ANKMY2: variants seen among roughly 807,000 people sequenced by gnomAD.
ANKMY2 encodes ankyrin repeat and MYND domain-containing protein 2.
ANKMY2 carries 36 observed loss-of-function variants against 50.4 expected under a neutral mutation model. That is an observed-to-expected ratio of 0.71 (90% CI 0.55 to 0.94). The LOEUF is 0.94. ANKMY2 is among the 40% of genes least tolerant of loss of function. ANKMY2 has a pLI of 0.00. For missense variants in ANKMY2, 565 were observed against 524.0 expected (o/e 1.08, Z -0.76); for synonymous variants, 187 against 178.8 (o/e 1.05, Z -0.36).
Position 16,645,536 on chromosome 7 carries a change from T to G in ANKMY2, c.38A>C (p.Glu13Ala). 1 of 1,611,902 alleles carries G rather than the reference T, an allele frequency of 6.2e-7. No individual in the cohort carries two copies. The highest frequency in any genetic ancestry group is 8.5e-7 in the Non-Finnish European group (1 of 1,178,950). The change falls in exon 1 of 10, where the codon GAG (glutamate) becomes GCG (alanine). Residue 13 changes from glutamate (E) to alanine (A), a missense_variant. Coordinates refer to ENST00000306999, the MANE Select transcript of ANKMY2 (RefSeq NM_020319.3). ...HIKKGELTQE[E>A]KELLEVIGKG... is the part of the protein sequence containing the mutation. ...CCCGATGACTTCCAGTAGCTCCTTC[T>G]CCTCCTGGGTCAGCTCGCCTTTCTT...
chr7:16,610,859 G>C (rs1031090092), intron 5 of ANKMY2, 96 bp from the exon 6 acceptor site: 24 of 1,068,914 alleles, frequency 2.2e-5, no homozygotes, highest in Non-Finnish European at 3.2e-5. Context: ...GATTACCAAA[G>C]AAAGCCTTCC....
chr7:16,604,574 C>G (rs1410311464), intron 8 of ANKMY2, 147 bp downstream of exon 8: 1 of 1,080,102 alleles, frequency 9.3e-7, no homozygotes, highest in African/African-American at 1.6e-5. Flanking sequence ...TTTTCCAAAA[C>G]TACTTTTTAA....
intron 3 of ANKMY2, among the ~76,000 whole-genome samples, chr7:16,625,438 C>G (rs745751540): frequency 1.3e-5 from 2 of 152,176 alleles, no homozygotes; most frequent in Non-Finnish European, 2.9e-5. Context: ...TAGGATTCCC[C>G]TTTAATATCG....
rs1439843291 is a variant in ANKMY2 at position 16,602,385 on chromosome 7, TC to T, written c.1135del (p.Glu379LysfsTer22). On this transcript the variant is annotated frameshift_variant, in exon 9 of 10. Coordinates refer to ENST00000306999, the MANE Select transcript of ANKMY2 (RefSeq NM_020319.3). LOFTEE classifies it high-confidence loss of function. ...CTCGGTTTTTATATACATACGGTTTTCCTCTTGTCTCTTTTCTTTGGCAGCC... is the reference window on the plus strand; with the variant it reads ...CTCGGTTTTTATATACATACGGTTTTCTCTTGTCTCTTTTCTTTGGCAGCC... ...LEAAKEKRQEENHGKLDVNSN... is the reference protein window; with the variant it reads ...LEAAKEKRQEXNHGKLDVNSN... The T allele has an allele frequency of 1.2e-6, 2 of 1,612,476 alleles. No homozygotes were observed. The highest frequency in any genetic ancestry group is 2.7e-5 in the African/African-American group (2 of 74,870).
At chr7:16,611,446 T>A (rs1463184020) in intron 5 of ANKMY2, among the ~76,000 whole-genome samples, 2 of 152,194 alleles carry the variant, frequency 1.3e-5, no homozygotes, top group Non-Finnish European at 2.9e-5. Context: ...ATGCTCAAAT[T>A]TAGTGTAATA....
chr7:16,635,260 T>C (rs1781641752), intron 2 of ANKMY2, among the ~76,000 whole-genome samples: 1 of 152,202 alleles, frequency 6.6e-6, no homozygotes, highest in African/African-American at 2.4e-5. Context: ...AAAGAGTACT[T>C]ATTGTGTGAT....
intron 1 of ANKMY2, among the ~76,000 whole-genome samples, chr7:16,639,170 T>A (rs777891261): frequency 6.6e-6 from 1 of 152,250 alleles, no homozygotes; most frequent in Non-Finnish European, 1.5e-5. Context: ...CAGAATAGCA[T>A]GGAAATGTGA....
chr7:16,633,081 AT>A (rs1198699486), intron 2 of ANKMY2, among the ~76,000 whole-genome samples: 1 of 151,982 alleles, frequency 6.6e-6, no homozygotes, highest in East Asian at 1.9e-4. Context: ...TCCTTGGCTC[AT>A]TTTTTAATTG....
chr7:16,625,447 C>T (rs1006919649), intron 3 of ANKMY2, among the ~76,000 whole-genome samples: 4 of 152,206 alleles, frequency 2.6e-5, no homozygotes, highest in South Asian at 2.1e-4. Flanking sequence ...CCTTTAATAT[C>T]GACTAATCCA....
chr7:16,644,883 G>A, intron 1 of ANKMY2: 1 of 353,324 alleles, frequency 2.8e-6, no homozygotes, highest in South Asian at 2.1e-5. Flanking sequence ...GTGGGCCGAG[G>A]GGTGGGTGTG....
chr7:16,612,515 T>C (rs1428247511), intron 5 of ANKMY2, among the ~76,000 whole-genome samples: 2 of 152,242 alleles, frequency 1.3e-5, no homozygotes, highest in African/African-American at 2.4e-5. Context: ...TATCTGTTTA[T>C]ACTTCTGCTA....
Position 16,604,700 on chromosome 7 carries a change from TA to T in ANKMY2, c.1011+20del. On this transcript the variant is annotated intron_variant, in intron 8 of 9. Transcript: ENST00000306999. ...GCATCTAAACCAGAGGTCAATGAAA[TA>T]AAAAGAACTCCATTCTTACCATTTT... 1.2e-6 allele frequency: 2 copies of T among 1,610,178 alleles called. No homozygotes were observed. Among genetic ancestry groups the T allele is most frequent in the Non-Finnish European group, 1.7e-6 (2 of 1,177,620 alleles).
Position 16,606,278 on chromosome 7 carries a change from A to G in ANKMY2, c.883-1429T>C, listed in dbSNP as rs1781160514. Among the ~76,000 whole-genome samples the G allele has an allele frequency of 4.6e-5, 7 of 152,224 alleles. No homozygotes were observed. In the South Asian group the frequency reaches 1.5e-3, roughly 32 times the overall value. On this transcript the variant is annotated intron_variant, in intron 7 of 9. Coordinates refer to ENST00000306999, the MANE Select transcript of ANKMY2 (RefSeq NM_020319.3). The stretch of plus-strand genomic sequence containing the variant: ...AAGCCCCGACTCTACTGAAAATACA[A>G]AAATTAGCCAGGCATGGTGGCACGC...
intron 7 of ANKMY2, among the ~76,000 whole-genome samples, chr7:16,609,182 T>A (rs1352707035): frequency 6.6e-6 from 1 of 152,192 alleles, no homozygotes; most frequent in Non-Finnish European, 1.5e-5. Context: ...TACTTTGAGA[T>A]TGTTACCAGG....
At chr7:16,604,125 A>C (rs569517392) in intron 8 of ANKMY2, among the ~76,000 whole-genome samples, 114 of 152,374 alleles carry the variant, frequency 7.5e-4, no homozygotes, top group Admixed American at 1.5e-3. Flanking sequence ...CTTAAAGTCA[A>C]CAGGCAGTTG....
intron 2 of ANKMY2, among the ~76,000 whole-genome samples, chr7:16,633,006 G>T (rs920465430): frequency 1.3e-5 from 2 of 152,124 alleles, no homozygotes; most frequent in Non-Finnish European, 2.9e-5. Context: ...GGTTAATGAT[G>T]TTGAGCCTTT....
chr7:16,614,029 C>G (rs893159851), intron 5 of ANKMY2, among the ~76,000 whole-genome samples: 2 of 152,002 alleles, frequency 1.3e-5, no homozygotes, highest in African/African-American at 2.4e-5. Flanking sequence ...TTCTTCAAGT[C>G]AGTCTAAGCC....
chr7:16,633,809 T>C (rs2128345924), intron 2 of ANKMY2, among the ~76,000 whole-genome samples: 1 of 152,286 alleles, frequency 6.6e-6, no homozygotes, highest in African/African-American at 2.4e-5. Flanking sequence ...TTTTTCTATT[T>C]AATCTGTTAG....
chr7:16,633,920 AAAGGCTT>A (rs1412827952), intron 2 of ANKMY2, among the ~76,000 whole-genome samples: 1 of 152,304 alleles, frequency 6.6e-6, no homozygotes, highest in East Asian at 1.9e-4. Flanking sequence ...GTTTATAAGA[AAAGGCTT>A]AAGGCTATTA....
Sources: gnomAD v4.1 joint callset for allele counts (sites outside exome capture counted in the v4.1 genomes callset) on GRCh38, gnomAD v4.1.1 for gene constraint, MANE v1.5 for transcripts, NCBI Gene and HGNC (gene_info 2026-07-23, HGNC 2026-07-21) for gene names.